SPATA17: variants seen among roughly 807,000 people sequenced by gnomAD.
SPATA17 encodes spermatogenesis associated 17.
Under a neutral mutation model 62.2 loss-of-function variants are expected in SPATA17, and 53 were observed. The ratio of observed to expected loss-of-function variants is 0.85; its 90% confidence interval spans 0.68 to 1.07. SPATA17 has a LOEUF of 1.07. Among genes scored for constraint, SPATA17 ranks in the 50% least tolerant of loss-of-function variants. The pLI, the probability that SPATA17 is intolerant of heterozygous loss-of-function variation, is 0.00. For missense variants in SPATA17, 466 were observed against 425.5 expected (o/e 1.10, Z -0.84); for synonymous variants, 146 against 146.8 (o/e 0.99, Z 0.04).
chr1:217,767,392 G>A (rs1009794576), intron 6 of SPATA17, among the ~76,000 whole-genome samples: 6 of 151,392 alleles, frequency 4.0e-5, no homozygotes, highest in African/African-American at 1.5e-4. Flanking sequence ...TTCTGGGTCT[G>A]TGATTTGGTG....
intron 8 of SPATA17, among the ~76,000 whole-genome samples, chr1:217,793,214 GGTTTTT>G (rs1674043328): frequency 9.0e-6 from 1 of 110,728 alleles, no homozygotes; most frequent in Admixed American, 8.3e-5. Context: ...TTAGGGCAGT[GGTTTTT>G]GTTTTTTTTT....
intron 5 of SPATA17, among the ~76,000 whole-genome samples, chr1:217,698,927 T>A (rs1212423412): frequency 1.3e-5 from 2 of 152,238 alleles, no homozygotes; most frequent in African/African-American, 2.4e-5. Context: ...GCCGTTTCTA[T>A]AATTTTGTCA....
chr1:217,848,083 GT>G (rs1368251325), intron 9 of SPATA17, among the ~76,000 whole-genome samples: 1 of 152,086 alleles, frequency 6.6e-6, no homozygotes, highest in African/African-American at 2.4e-5. Flanking sequence ...TGATAAATAA[GT>G]GTCCAAGTAG....
chr1:217,840,903 A>G (rs1675379510), intron 9 of SPATA17, among the ~76,000 whole-genome samples: 1 of 152,112 alleles, frequency 6.6e-6, no homozygotes, highest in East Asian at 1.9e-4. Context: ...ACAATAATTT[A>G]GCTCTGCTTT....
At chr1:217,792,268 T>C (rs1279286518) in intron 8 of SPATA17, among the ~76,000 whole-genome samples, 1 of 152,102 alleles carries the variant, frequency 6.6e-6, no homozygotes, top group African/African-American at 2.4e-5. Context: ...CAGAGCTTTC[T>C]TACTCGCAAA....
At chr1:217,646,081 T>C (rs1465280290) in intron 1 of SPATA17, among the ~76,000 whole-genome samples, 1 of 152,142 alleles carries the variant, frequency 6.6e-6, no homozygotes, top group Non-Finnish European at 1.5e-5. Context: ...TCAGGGAGTC[T>C]AGAATTCCTT....
At chr1:217,805,321 G>GA (rs908460406) in intron 9 of SPATA17, among the ~76,000 whole-genome samples, 2 of 152,102 alleles carry the variant, frequency 1.3e-5, no homozygotes, top group Non-Finnish European at 2.9e-5. Flanking sequence ...TGTGAAATCT[G>GA]AAAAAAATCA....
intron 1 of SPATA17, among the ~76,000 whole-genome samples, chr1:217,643,583 TC>T (rs1329650769): frequency 6.6e-6 from 1 of 151,900 alleles, no homozygotes; most frequent in Non-Finnish European, 1.5e-5. Context: ...TGTGACTTCC[TC>T]CTCCCACACC....
At chr1:217,838,239 A>G (rs1215065095) in intron 9 of SPATA17, among the ~76,000 whole-genome samples, 2 of 152,020 alleles carry the variant, frequency 1.3e-5, no homozygotes, top group Non-Finnish European at 2.9e-5. Context: ...TATTTGCCCA[A>G]TTTTGGGGGA....
intron 3 of SPATA17, among the ~76,000 whole-genome samples, chr1:217,665,877 A>G (rs573365438): frequency 1.3e-5 from 2 of 152,344 alleles, no homozygotes; most frequent in African/African-American, 4.8e-5. Context: ...TGAGCTAGGT[A>G]ATATGACAAA....
chr1:217,843,256 T>G (rs189059595), intron 9 of SPATA17, among the ~76,000 whole-genome samples: 3 of 152,088 alleles, frequency 2.0e-5, no homozygotes, highest in African/African-American at 7.2e-5. Context: ...GCAGCCTTAC[T>G]GAGTTTTGAT....
chr1:217,770,052 A>G (rs552866061), intron 6 of SPATA17, among the ~76,000 whole-genome samples: 5 of 151,748 alleles, frequency 3.3e-5, no homozygotes, highest in African/African-American at 1.2e-4. Context: ...AGCAGTCCCT[A>G]CCCTAGCAAA....
intron 6 of SPATA17, among the ~76,000 whole-genome samples, chr1:217,763,605 A>G (rs57785965): frequency 0.011 from 1,723 of 152,356 alleles, 37 homozygotes; most frequent in African/African-American, 0.04. Context: ...AGGAACTAAA[A>G]TACTTGTTTT....
intron 5 of SPATA17, among the ~76,000 whole-genome samples, chr1:217,719,864 G>T (rs985914664): frequency 1.3e-5 from 2 of 152,122 alleles, no homozygotes; most frequent in Admixed American, 1.3e-4. Flanking sequence ...TGGATTGTGG[G>T]GTTCTCTGAG....
intron 10 of SPATA17, among the ~76,000 whole-genome samples, chr1:217,863,409 C>T (rs1030033423): frequency 1.3e-5 from 2 of 151,972 alleles, no homozygotes; most frequent in African/African-American, 2.4e-5. Context: ...AGATTACAGG[C>T]GTGAGCCACC....
intron 3 of SPATA17, among the ~76,000 whole-genome samples, chr1:217,657,570 G>A (rs1411006995): frequency 1.3e-5 from 2 of 152,126 alleles, no homozygotes; most frequent in Admixed American, 1.3e-4. Context: ...AATTAAGTTT[G>A]CTTAAATCAT....
chr1:217,729,183 A>G (rs925191000), intron 5 of SPATA17, among the ~76,000 whole-genome samples: 1 of 152,212 alleles, frequency 6.6e-6, no homozygotes. Context: ...GGTAATTATT[A>G]CTGCCATAAT....
chr1:217,712,411 C>G (rs1671896844), intron 5 of SPATA17, among the ~76,000 whole-genome samples: 1 of 152,104 alleles, frequency 6.6e-6, no homozygotes, highest in African/African-American at 2.4e-5. Flanking sequence ...CAGGCGTGAG[C>G]CACCGCACCT....
intron 6 of SPATA17, among the ~76,000 whole-genome samples, chr1:217,769,243 T>C (rs902429670): frequency 6.6e-6 from 1 of 152,196 alleles, no homozygotes; most frequent in African/African-American, 2.4e-5. Context: ...GTATATGAAA[T>C]ACATGAGGAA....
Sources: gnomAD v4.1 joint callset for allele counts (sites outside exome capture counted in the v4.1 genomes callset) on GRCh38, gnomAD v4.1.1 for gene constraint, MANE v1.5 for transcripts, NCBI Gene and HGNC (gene_info 2026-07-23, HGNC 2026-07-21) for gene names.